BPHL: variants seen among roughly 807,000 people sequenced by gnomAD.
The protein encoded by BPHL is serine hydrolase BPHL.
A neutral mutation model predicts 31.2 loss-of-function variants in BPHL; 27 were observed. That is an observed-to-expected ratio of 0.87 (90% CI 0.64 to 1.19). BPHL has a LOEUF of 1.19. Ranked by LOEUF, BPHL falls within the 50% of genes most tolerant of loss-of-function variation. The pLI is 0.00. For synonymous variants in BPHL, 150 were observed against 146.8 expected (o/e 1.02, Z -0.16); for missense variants, 356 against 375.7 (o/e 0.95, Z 0.43).
At chr6:3,123,023 C>A (rs1316435890) in intron 1 of BPHL, among the ~76,000 whole-genome samples, 1 of 152,250 alleles carries the variant, frequency 6.6e-6, no homozygotes, top group Admixed American at 6.5e-5. Flanking sequence ...CACTTGAGGA[C>A]CCTTGGCTTC....
intron 5 of BPHL, 139 bp downstream of exon 5, chr6:3,137,632 C>A: frequency 7.7e-7 from 1 of 1,294,020 alleles, no homozygotes; most frequent in Non-Finnish European, 1.1e-6. Flanking sequence ...ACAGAGAATA[C>A]TAGTTCTTGT....
chr6:3,150,055 A>G (rs962360448), intron 6 of BPHL: 3 of 152,254 alleles, frequency 2.0e-5, no homozygotes, highest in African/African-American at 7.2e-5. Context: ...TGCCTGAAGA[A>G]GTGATATGCC....
intron 4 of BPHL, among the ~76,000 whole-genome samples, chr6:3,130,697 T>C (rs1761847151): frequency 6.6e-6 from 1 of 152,184 alleles, no homozygotes; most frequent in African/African-American, 2.4e-5. Context: ...TCTCTGGCCC[T>C]TTACATAAAA....
At chr6:3,124,723 T>A (rs1406537126) in intron 2 of BPHL, among the ~76,000 whole-genome samples, 3 of 151,950 alleles carry the variant, frequency 2.0e-5, no homozygotes, top group African/African-American at 7.3e-5. Context: ...TTTCCCGAAA[T>A]ATTTTTGTTC....
At chr6:3,144,763 C>T (rs1015924088) in intron 6 of BPHL, among the ~76,000 whole-genome samples, 14 of 152,162 alleles carry the variant, frequency 9.2e-5, no homozygotes, top group Non-Finnish European at 1.6e-4. Flanking sequence ...CACCGCCTAT[C>T]CCAGGATGTG....
chr6:3,119,167 TG>T, intron 1 of BPHL: 1 of 947,462 alleles, frequency 1.1e-6, no homozygotes, highest in Non-Finnish European at 1.6e-6. Flanking sequence ...GCCTGTAGTA[TG>T]GACTCACCCG....
At position 3,152,595 on chromosome 6, in the gene BPHL, G is replaced by C. The variant is rs1762555615; in HGVS notation, c.*20G>C. Reference sequence around the variant, plus strand: ...CAATGAGAATGCACACTCCAGTCTTGGTGGTTCCTTCGTGTGGGGCTTGAT... The same window carrying C: ...CAATGAGAATGCACACTCCAGTCTTCGTGGTTCCTTCGTGTGGGGCTTGAT... On this transcript the variant is annotated 3_prime_UTR_variant, in exon 7 of 7. Coordinates refer to ENST00000380379, the MANE Select transcript of BPHL (RefSeq NM_004332.4). 6.2e-7 allele frequency: 1 copy of C among 1,602,936 alleles called. No homozygotes were observed. Among genetic ancestry groups the C allele is most frequent in the African/African-American group, 1.3e-5 (1 of 74,500 alleles).
chr6:3,152,739 G>T lies in BPHL; in HGVS notation c.*164G>T, dbSNP rs1581494863. 3 of 603,704 alleles carry T rather than the reference G, an allele frequency of 5.0e-6. No homozygotes were observed. The highest frequency in any genetic ancestry group is 8.3e-6 in the Non-Finnish European group (3 of 362,570). The allele number at this position is 603,704 out of a possible 1,614,324, so 37.4% of individuals were successfully genotyped here. A position where few individuals can be genotyped will look rare whatever the true frequency, so the allele number is the denominator to read the frequency against. On this transcript the variant is annotated 3_prime_UTR_variant, in exon 7 of 7. Coordinates refer to ENST00000380379, the MANE Select transcript of BPHL (RefSeq NM_004332.4). ...AATGACATATTGAAAACAGCCTCTA[G>T]CTTCAGGCTGGGCACGGTGGCTCAC... is the stretch of plus-strand genomic sequence containing the variant.
In BPHL at chr6:3,140,816, A is replaced by G. The variant is rs2113767536; in HGVS notation, c.788+307A>G. Reference sequence around the variant, plus strand: ...ATAGTTTAGATTTATTTCCATCAGTATTAACCGAAACAGTTTCACACAATT... The same window carrying G: ...ATAGTTTAGATTTATTTCCATCAGTGTTAACCGAAACAGTTTCACACAATT... On this transcript the variant is annotated intron_variant, in intron 6 of 6. Coordinates refer to ENST00000380379, the MANE Select transcript of BPHL (RefSeq NM_004332.4). This position sits in a 1 kb window ranked among gnomAD's most constrained non-coding sequence, Gnocchi z 5.2. 6.6e-6 allele frequency among the ~76,000 whole-genome samples: 1 copy of G among 152,364 alleles called. No individual in the cohort carries two copies. Among genetic ancestry groups the G allele is most frequent in the Middle Eastern group, 3.4e-3 (1 of 294 alleles).
In BPHL at chr6:3,127,348, T is replaced by C. The variant is rs1168155947; in HGVS notation, c.318T>C (p.Asp106=). 1 of 1,608,320 alleles carries C rather than the reference T, an allele frequency of 6.2e-7. No homozygotes were observed. Among genetic ancestry groups the C allele is most frequent in the Non-Finnish European group, 8.5e-7 (1 of 1,176,536 alleles). ...GCTATGGACATTCCAGGCCCCCAGA[T>C]CGCGATTTCCCAGCAGACTTTTTTG... is the stretch of plus-strand genomic sequence containing the variant. ...PRGYGHSRPP[D]RDFPADFFER... is the part of the protein sequence containing the mutation. The change falls in exon 3 of 7, where the codon GAT becomes GAC. Residue 106 remains aspartate (D), a synonymous_variant. Coordinates refer to ENST00000380379, the MANE Select transcript of BPHL (RefSeq NM_004332.4).
At chr6:3,119,142 C>A in intron 1 of BPHL, 1 of 773,620 alleles carries the variant, frequency 1.3e-6, no homozygotes, top group Non-Finnish European at 2.1e-6. Flanking sequence ...CAGAGAGACC[C>A]AGGGAGATAC....
rs1208927257 is a variant in BPHL, at chr6:3,126,372, GAATA to G, written c.212-869_212-866del. ...CATGTGTAAGTCATTGTTTTAAGAA[GAATA>G]GATAACCCAGAAGCATATCTGTGAA... On this transcript the variant is annotated intron_variant, in intron 2 of 6. Coordinates refer to ENST00000380379, the MANE Select transcript of BPHL (RefSeq NM_004332.4). Among the ~76,000 whole-genome samples, 4 of 152,118 alleles carry G rather than the reference GAATA, an allele frequency of 2.6e-5. No individual in the cohort carries two copies. In the East Asian group the frequency reaches 7.7e-4, roughly 29 times the overall value.
At chr6:3,137,740 T>C (rs925320834) in intron 5 of BPHL, among the ~76,000 whole-genome samples, 5 of 152,228 alleles carry the variant, frequency 3.3e-5, no homozygotes, top group Admixed American at 6.5e-5. Flanking sequence ...AGCAGACTGC[T>C]CTTTTTTCCT....
intron 4 of BPHL, among the ~76,000 whole-genome samples, chr6:3,135,362 G>C (rs1761986774): frequency 6.6e-6 from 1 of 152,176 alleles, no homozygotes; most frequent in South Asian, 2.1e-4. Context: ...CTGTTGAGAA[G>C]TTTCCTGTCC....
Position 3,140,620 on chromosome 6 carries a change from C to G in BPHL, c.788+111C>G. ...GTTGGAGTTTTAGAGTGCACAGCCC[C>G]CCTTTTGCCAATGCCAGTCAGTAGC... is the stretch of plus-strand genomic sequence containing the variant. On this transcript the variant is annotated intron_variant, in intron 6 of 6. Coordinates refer to ENST00000380379, the MANE Select transcript of BPHL (RefSeq NM_004332.4). This position sits in a 1 kb window ranked among gnomAD's most constrained non-coding sequence, Gnocchi z 5.2. 2 of 1,498,642 alleles carry G rather than the reference C, an allele frequency of 1.3e-6. No individual in the cohort carries two copies. The highest frequency in any genetic ancestry group is 1.8e-6 in the Non-Finnish European group (2 of 1,110,110). 92.8% of individuals were successfully genotyped at this position (1,498,642 alleles called of 1,614,324 possible). A position where few individuals can be genotyped will look rare whatever the true frequency, so the allele number is the denominator to read the frequency against.
Position 3,129,097 on chromosome 6 carries a change from C to T in BPHL, c.431C>T (p.Thr144Ile). The T allele has an allele frequency of 1.9e-6, 3 of 1,614,006 alleles. No homozygotes were observed. Among genetic ancestry groups the T allele is most frequent in the Non-Finnish European group, 2.5e-6 (3 of 1,179,956 alleles). ...CTGGGGTGGAGTGATGGGGGCATAA[C>T]CGCACTCATTGCTGCTGCAAAATAT... is the stretch of plus-strand genomic sequence containing the variant. ...SLLGWSDGGI[T>I]ALIAAAKYPS... Residue 144 changes from threonine (T) to isoleucine (I), a missense_variant, in exon 4 of 7, where the codon ACC (threonine) becomes ATC (isoleucine). Physicochemically the swap from Thr to Ile is moderately conservative, Grantham distance 89. Transcript: ENST00000380379.
chr6:3,152,226 C>G (rs1418243199), intron 6 of BPHL, among the ~76,000 whole-genome samples: 1 of 152,236 alleles, frequency 6.6e-6, no homozygotes, highest in African/African-American at 2.4e-5. Context: ...TTACTTGATT[C>G]AGTTCCAAAT....
intron 4 of BPHL, among the ~76,000 whole-genome samples, chr6:3,132,839 GCAA>G (rs889620445): frequency 1.6e-4 from 24 of 151,984 alleles, no homozygotes; most frequent in Admixed American, 3.9e-4. Context: ...CCCAACAACA[GCAA>G]CAACAACAAC....
rs767979109 is a variant in BPHL at position 3,140,625 on chromosome 6, T to A, written c.788+116T>A. On this transcript the variant is annotated intron_variant, in intron 6 of 6. Transcript: ENST00000380379. The surrounding 1 kb of genome is among the most constrained non-coding windows in gnomAD (Gnocchi z 5.2). ...AGTTTTAGAGTGCACAGCCCCCCTT[T>A]TGCCAATGCCAGTCAGTAGCACCGC... 6.8e-7 allele frequency: 1 copy of A among 1,472,666 alleles called. No homozygotes were observed. The highest frequency in any genetic ancestry group is 9.2e-7 in the Non-Finnish European group (1 of 1,088,578). 91.2% of individuals were successfully genotyped at this position (1,472,666 alleles called of 1,614,324 possible). A position where few individuals can be genotyped will look rare whatever the true frequency, so the allele number is the denominator to read the frequency against.
Sources: gnomAD v4.1 joint callset for allele counts (sites outside exome capture counted in the v4.1 genomes callset) on GRCh38, gnomAD v4.1.1 for gene constraint, Gnocchi (gnomAD v3.1) non-coding constraint, MANE v1.5 for transcripts, NCBI Gene and HGNC (gene_info 2026-07-23, HGNC 2026-07-21) for gene names.